EPS15: variants seen among roughly 807,000 people sequenced by gnomAD.
The protein encoded by EPS15 is epidermal growth factor receptor pathway substrate 15.
Under a neutral mutation model 113.8 loss-of-function variants are expected in EPS15, and 72 were observed. That is an observed-to-expected ratio of 0.63 (90% CI 0.52 to 0.77). The LOEUF (loss-of-function observed/expected upper bound fraction) is 0.77. Among genes scored for constraint, EPS15 ranks in the 30% least tolerant of loss-of-function variants. The pLI, the probability that EPS15 is intolerant of heterozygous loss-of-function variation, is 0.00. For synonymous variants in EPS15, 344 were observed against 363.4 expected (o/e 0.95, Z 0.61); for missense variants, 1,048 against 1,045.8 (o/e 1.00, Z -0.03).
At chr1:51,442,717 A>T (rs1015966251) in intron 11 of EPS15, among the ~76,000 whole-genome samples, 1 of 152,160 alleles carries the variant, frequency 6.6e-6, no homozygotes, top group Non-Finnish European at 1.5e-5. Flanking sequence ...GCTGTTTAGG[A>T]ATTTTCTTTT....
intron 24 of EPS15, among the ~76,000 whole-genome samples, chr1:51,357,411 TA>T (rs1557761425): frequency 5.0e-5 from 3 of 59,600 alleles, no homozygotes; most frequent in African/African-American, 8.4e-5. Context: ...TATATATATA[TA>T]TATATATATA....
chr1:51,380,781 AT>A (rs1646923508), intron 21 of EPS15, among the ~76,000 whole-genome samples: 1 of 152,224 alleles, frequency 6.6e-6, no homozygotes, highest in Non-Finnish European at 1.5e-5. Context: ...ACACAACTAC[AT>A]GCTGTATAAG....
At chr1:51,439,084 T>G (rs924728382) in intron 12 of EPS15, among the ~76,000 whole-genome samples, 1 of 152,106 alleles carries the variant, frequency 6.6e-6, no homozygotes, top group Non-Finnish European at 1.5e-5. Context: ...TAGCTAGATG[T>G]ACTATAGCCC....
At chr1:51,450,033 T>C (rs1180040215) in intron 8 of EPS15, among the ~76,000 whole-genome samples, 1 of 151,818 alleles carries the variant, frequency 6.6e-6, no homozygotes, top group Non-Finnish European at 1.5e-5. Context: ...GATGCTGCTC[T>C]TCTTCTCTTT....
chr1:51,515,345 C>T (rs577526470), intron 1 of EPS15, among the ~76,000 whole-genome samples: 6 of 151,968 alleles, frequency 3.9e-5, no homozygotes, highest in African/African-American at 1.4e-4. Flanking sequence ...TGGCGATGCA[C>T]ACTTGTAGTC....
intron 8 of EPS15, chr1:51,458,553 A>G: frequency 2.2e-6 from 1 of 445,888 alleles, no homozygotes; most frequent in Non-Finnish European, 4.5e-6. Context: ...TCTGGCAAAC[A>G]CGGCGAAACG....
chr1:51,502,192 G>C (rs893416348), intron 1 of EPS15, among the ~76,000 whole-genome samples: 21 of 152,112 alleles, frequency 1.4e-4, no homozygotes, highest in African/African-American at 5.1e-4. Flanking sequence ...TTAAGCCCAG[G>C]AGGTCAAGGC....
At chr1:51,458,348 A>G (rs1017395405) in intron 8 of EPS15, 14 of 153,942 alleles carry the variant, frequency 9.1e-5, no homozygotes, top group African/African-American at 2.9e-4. Flanking sequence ...AATAGGCTCC[A>G]GGCATATAAG....
intron 1 of EPS15, among the ~76,000 whole-genome samples, chr1:51,485,670 C>T (rs1018798455): frequency 6.6e-6 from 1 of 152,150 alleles, no homozygotes; most frequent in African/African-American, 2.4e-5. Flanking sequence ...ACAAAGTTTG[C>T]CAAGACACTG....
intron 2 of EPS15, among the ~76,000 whole-genome samples, chr1:51,477,946 G>A (rs890173965): frequency 2.0e-5 from 3 of 152,192 alleles, no homozygotes; most frequent in Admixed American, 6.5e-5. Flanking sequence ...TTGGGGTGGA[G>A]AGTTCTGTAG....
intron 21 of EPS15, among the ~76,000 whole-genome samples, chr1:51,383,187 T>C (rs2148384546): frequency 6.6e-6 from 1 of 152,312 alleles, no homozygotes; most frequent in South Asian, 2.1e-4. Flanking sequence ...AACCCTTTCA[T>C]GATAAAAACA....
rs78987288 is a variant in EPS15, at chr1:51,494,227, A to T, written c.34-12913T>A. 1.8e-3 allele frequency among the ~76,000 whole-genome samples: 274 copies of T among 152,260 alleles called. 1 individual carries two copies. The highest frequency in any genetic ancestry group is 4.6e-3 in the Admixed American group (71 of 15,294). ...ATCCTTCCTTGCCCTTCTATCTTCA[A>T]CCAAAAGTGCTCCACCTCCTTAATC... On this transcript the variant is annotated intron_variant, in intron 1 of 24. Coordinates refer to ENST00000371733, the MANE Select transcript of EPS15 (RefSeq NM_001981.3).
chr1:51,468,477 C>T lies in EPS15; in HGVS notation c.305G>A (p.Arg102Lys), dbSNP rs750206247. The T allele has an allele frequency of 6.3e-7, 1 of 1,596,750 alleles. No individual in the cohort carries two copies. The highest frequency in any genetic ancestry group is 2.2e-5 in the East Asian group (1 of 44,776). Residue 102 changes from arginine to lysine, a missense_variant, in exon 5 of 25, where the codon AGA (arginine) becomes AAA (lysine). Coordinates refer to ENST00000371733, the MANE Select transcript of EPS15 (RefSeq NM_001981.3). ...AAATCTAAAAGCATTTCTTACAAAT[C>T]TTGGTGGAGGAACAGCCAGGTTCAA... ...SSLNLAVPPP[R>K]FHDTSSPLLI...
In EPS15 at chr1:51,361,280, T is replaced by C; in HGVS notation, c.2435A>G (p.Asn812Ser). ...AGGATCTTTTTCTTTGGGGCTATCG[T>C]TGCCTGGGAAAGGCTGAAATGGATC... ...LNDPFQPFPG[N>S]DSPKEKDPEI... The change falls in exon 24 of 25, where the codon AAC (asparagine) becomes AGC (serine). Residue 812 changes from asparagine (N) to serine (S), a missense_variant. Transcript: ENST00000371733. The C allele has an allele frequency of 6.2e-7, 1 of 1,613,948 alleles. No homozygotes were observed. The highest frequency in any genetic ancestry group is 8.5e-7 in the Non-Finnish European group (1 of 1,179,832).
intron 1 of EPS15, among the ~76,000 whole-genome samples, chr1:51,484,133 A>C (rs947238796): frequency 6.6e-6 from 1 of 152,058 alleles, no homozygotes; most frequent in Non-Finnish European, 1.5e-5. Context: ...CAGAGTCAGG[A>C]CTTAGGTGTC....
Position 51,450,621 on chromosome 1 carries a change from T to A in EPS15, c.562-2486A>T, listed in dbSNP as rs577947892. Among the ~76,000 whole-genome samples, 16 of 151,890 alleles carry A rather than the reference T, an allele frequency of 1.1e-4. 1 individual carries two copies. The highest frequency in any genetic ancestry group is 3.9e-4 in the African/African-American group (16 of 41,216). ...AGGGTATAGGAAAAATTATTTTTCT[T>A]CCCCTAACATGCTCAAATTGGTACC... is the stretch of plus-strand genomic sequence containing the variant. On this transcript the variant is annotated intron_variant, in intron 8 of 24. Coordinates refer to ENST00000371733, the MANE Select transcript of EPS15 (RefSeq NM_001981.3).
chr1:51,511,403 C>T (rs1570458622), intron 1 of EPS15, among the ~76,000 whole-genome samples: 1 of 149,834 alleles, frequency 6.7e-6, no homozygotes, highest in Non-Finnish European at 1.5e-5. Context: ...GGCTGAGGCA[C>T]GAGAATTGCT....
Position 51,354,560 on chromosome 1 carries a change from T to C in EPS15, c.*2140A>G. Reference sequence around the variant, plus strand: ...AGTATGTAGAAGACATTTAAAACTTTGTAAGTAGTGCCACTTAGCTCTGGG... The same window carrying C: ...AGTATGTAGAAGACATTTAAAACTTCGTAAGTAGTGCCACTTAGCTCTGGG... On this transcript the variant is annotated 3_prime_UTR_variant, in exon 25 of 25. Transcript: ENST00000371733. The C allele has an allele frequency of 5.3e-6, 1 of 189,830 alleles. No individual in the cohort carries two copies. Among genetic ancestry groups the C allele is most frequent in the Non-Finnish European group, 1.1e-5 (1 of 90,282 alleles). 11.8% of individuals were successfully genotyped at this position (189,830 alleles called of 1,614,324 possible).
chr1:51,436,366 C>G (rs1319547863), intron 12 of EPS15, among the ~76,000 whole-genome samples: 1 of 151,872 alleles, frequency 6.6e-6, no homozygotes, highest in African/African-American at 2.4e-5. Flanking sequence ...CAGCCATGAT[C>G]CAGATAAAAG....
Sources: gnomAD v4.1 joint callset for allele counts (sites outside exome capture counted in the v4.1 genomes callset) on GRCh38, gnomAD v4.1.1 for gene constraint, MANE v1.5 for transcripts, NCBI Gene and HGNC (gene_info 2026-07-23, HGNC 2026-07-21) for gene names.